PHF21A: variants seen among roughly 807,000 people sequenced by gnomAD.
PHF21A encodes PHD finger protein 21A.
A neutral mutation model predicts 82.5 loss-of-function variants in PHF21A; 11 were observed. The observed-to-expected ratio is 0.13, with a 90% CI of 0.08 to 0.22. PHF21A has a LOEUF of 0.22. Among genes scored for constraint, PHF21A ranks in the 10% least tolerant of loss-of-function variants. PHF21A has a pLI of 1.00. For missense variants in PHF21A, 579 were observed against 837.8 expected (o/e 0.69, Z 3.81); for synonymous variants, 297 against 302.8 (o/e 0.98, Z 0.20).
chr11:46,099,936 T>TA (rs1491014469), intron 1 of PHF21A, among the ~76,000 whole-genome samples: 7 of 152,166 alleles, frequency 4.6e-5, no homozygotes, highest in African/African-American at 1.7e-4. Flanking sequence ...TTACATTTTT[T>TA]AAAAAATCTT....
At chr11:46,016,490 T>G (rs563186322) in intron 6 of PHF21A, among the ~76,000 whole-genome samples, 1 of 152,128 alleles carries the variant, frequency 6.6e-6, no homozygotes, top group Non-Finnish European at 1.5e-5. Flanking sequence ...ATGCAACACC[T>G]TTCCTACCTG....
chr11:46,045,503 A>T (rs573227692), intron 6 of PHF21A, among the ~76,000 whole-genome samples: 1 of 152,308 alleles, frequency 6.6e-6, no homozygotes, highest in Non-Finnish European at 1.5e-5. Flanking sequence ...ATTACTTGCT[A>T]TATTTTACCC....
intron 1 of PHF21A, among the ~76,000 whole-genome samples, chr11:46,120,187 CTT>C (rs1175408142): frequency 1.4e-5 from 2 of 143,296 alleles, no homozygotes; most frequent in African/African-American, 2.5e-5. Context: ...GCAGCCGCAG[CTT>C]TTTTTTTTTT....
At chr11:45,959,680 T>C (rs1303270887) in intron 10 of PHF21A, among the ~76,000 whole-genome samples, 1 of 152,140 alleles carries the variant, frequency 6.6e-6, no homozygotes, top group Non-Finnish European at 1.5e-5. Flanking sequence ...AATAAACAAA[T>C]TCAGCAAAGT....
intron 6 of PHF21A, among the ~76,000 whole-genome samples, chr11:46,069,731 T>C (rs1027123510): frequency 1.4e-4 from 21 of 152,324 alleles, no homozygotes; most frequent in African/African-American, 4.8e-4. Flanking sequence ...AATTATACAA[T>C]AATGGTTAAG....
chr11:46,051,376 T>A (rs1565741491), intron 6 of PHF21A, among the ~76,000 whole-genome samples: 1 of 152,164 alleles, frequency 6.6e-6, no homozygotes, highest in Non-Finnish European at 1.5e-5. Context: ...TCATTTTTAT[T>A]CTTGTGACAG....
At chr11:46,103,183 C>T (rs76142987) in intron 1 of PHF21A, among the ~76,000 whole-genome samples, 1 of 152,290 alleles carries the variant, frequency 6.6e-6, no homozygotes, top group East Asian at 1.9e-4. Flanking sequence ...TAACTCAACC[C>T]CCAAACGCTT....
intron 6 of PHF21A, among the ~76,000 whole-genome samples, chr11:46,047,208 A>G (rs1486475238): frequency 6.6e-6 from 1 of 152,178 alleles, no homozygotes; most frequent in Non-Finnish European, 1.5e-5. Context: ...CCAGTTCCCT[A>G]TGTAACTCAT....
intron 7 of PHF21A, among the ~76,000 whole-genome samples, chr11:45,974,754 A>G (rs2093947762): frequency 6.6e-6 from 1 of 152,036 alleles, no homozygotes; most frequent in Admixed American, 6.6e-5. Flanking sequence ...CACCCAACCA[A>G]GAGATTTATT....
intron 6 of PHF21A, among the ~76,000 whole-genome samples, chr11:46,023,955 C>T (rs1020068710): frequency 1.3e-5 from 2 of 152,112 alleles, no homozygotes; most frequent in Admixed American, 1.3e-4. Flanking sequence ...GACACCATCT[C>T]GAAAACAAAC....
intron 6 of PHF21A, among the ~76,000 whole-genome samples, chr11:46,017,032 G>T (rs778478774): frequency 6.6e-6 from 1 of 151,742 alleles, no homozygotes; most frequent in African/African-American, 2.4e-5. Flanking sequence ...GTGCAGTGGC[G>T]TGATTTTGGC....
In PHF21A at chr11:45,950,196, C is replaced by A. The variant is rs754829369; in HGVS notation, c.1147+10G>T. On this transcript the variant is annotated intron_variant, in intron 12 of 18. Transcript: ENST00000676320. Reference sequence around the variant, plus strand: ...GAAAAAAAGGCAGTGCCAAGAATATCTTCTCTTACCTTCTAGATGGTCATG... The same window carrying A: ...GAAAAAAAGGCAGTGCCAAGAATATATTCTCTTACCTTCTAGATGGTCATG... 2.0e-5 allele frequency: 32 copies of A among 1,591,390 alleles called. No homozygotes were observed. The Admixed American group carries it at 4.5e-4, about 22-fold the overall frequency.
At chr11:45,985,428 T>C (rs370571667) in intron 6 of PHF21A, among the ~76,000 whole-genome samples, 44 of 152,304 alleles carry the variant, frequency 2.9e-4, no homozygotes, top group African/African-American at 1.0e-3. Flanking sequence ...AAACACAGAA[T>C]GCCATTTTAT....
chr11:45,962,883 ACT>A (rs1056827208), intron 10 of PHF21A, among the ~76,000 whole-genome samples: 13 of 151,536 alleles, frequency 8.6e-5, no homozygotes, highest in African/African-American at 3.2e-4. Flanking sequence ...ACAGAGCGAG[ACT>A]CTGTCTCAAA....
At chr11:45,947,187 G>A (rs891889144) in intron 14 of PHF21A, among the ~76,000 whole-genome samples, 7 of 152,128 alleles carry the variant, frequency 4.6e-5, no homozygotes, top group Admixed American at 4.6e-4. Context: ...GAGCCCTGTG[G>A]GTACAGAAAG....
intron 15 of PHF21A, among the ~76,000 whole-genome samples, chr11:45,941,635 T>G (rs1163929931): frequency 6.6e-6 from 1 of 152,172 alleles, no homozygotes; most frequent in Non-Finnish European, 1.5e-5. Flanking sequence ...ATTTTACCCA[T>G]ACAGAACCGG....
At chr11:46,032,628 T>C (rs1055543599) in intron 6 of PHF21A, among the ~76,000 whole-genome samples, 1 of 152,184 alleles carries the variant, frequency 6.6e-6, no homozygotes, top group Non-Finnish European at 1.5e-5. Context: ...AAAATGTAGA[T>C]TCCTATTCCA....
At position 45,935,237 on chromosome 11, in the gene PHF21A, G is replaced by A. The variant is rs377335686; in HGVS notation, c.1788+399C>T. ...GAGGGCCGTACGGATGGGCCCACTC[G>A]CTCAGGTGACTAGGAAGAATCACAC... On this transcript the variant is annotated intron_variant, in intron 18 of 18. Transcript: ENST00000676320. 8.1e-5 allele frequency: 105 copies of A among 1,296,368 alleles called. No individual in the cohort carries two copies. The East Asian group carries it at 2.1e-3, about 26-fold the overall frequency. 80.3% of individuals were successfully genotyped at this position (1,296,368 alleles called of 1,614,324 possible). A position where few individuals can be genotyped will look rare whatever the true frequency, so the allele number is the denominator to read the frequency against.
At chr11:45,968,991 A>C (rs1181477485) in intron 9 of PHF21A, among the ~76,000 whole-genome samples, 2 of 151,208 alleles carry the variant, frequency 1.3e-5, no homozygotes, top group African/African-American at 4.9e-5. Context: ...CTCTCAGACT[A>C]CCCTCTGAGG....
Sources: allele counts gnomAD v4.1 joint callset (sites outside exome capture counted in the v4.1 genomes callset), GRCh38; gene constraint gnomAD v4.1.1; transcripts MANE v1.5; gene names NCBI Gene and HGNC (gene_info 2026-07-23, HGNC 2026-07-21).